Variants in CDH2 observed in about 807,000 individuals in gnomAD.
CDH2 encodes cadherin 2, also known as cadherin-2.
In CDH2, 17 loss-of-function variants were observed where a neutral mutation model predicts 92.0. The ratio of observed to expected loss-of-function variants is 0.18; its 90% CI spans 0.13 to 0.28. CDH2 has a LOEUF of 0.28. Among genes scored for constraint, CDH2 ranks in the 10% least tolerant of loss-of-function variants. CDH2 has a pLI of 1.00. For synonymous variants in CDH2, 419 were observed against 415.9 expected (o/e 1.01, Z -0.09); for missense variants, 862 against 1,133.1 (o/e 0.76, Z 3.44).
chr18:28,159,999 G>A (rs2144351559), intron 1 of CDH2, among the ~76,000 whole-genome samples: 1 of 152,236 alleles, frequency 6.6e-6, no homozygotes, highest in East Asian at 1.9e-4. Context: ...CCTTGATTGT[G>A]TAGGGTGGCT....
chr18:28,129,937 C>T (rs906806644), intron 2 of CDH2, among the ~76,000 whole-genome samples: 28 of 152,094 alleles, frequency 1.8e-4, no homozygotes, highest in African/African-American at 6.0e-4. Flanking sequence ...CGTTATTAGG[C>T]CACCAAAGCA....
chr18:28,130,647 T>G (rs561596681), intron 2 of CDH2, among the ~76,000 whole-genome samples: 1 of 152,322 alleles, frequency 6.6e-6, no homozygotes, highest in South Asian at 2.1e-4. Flanking sequence ...GCATGGCTGC[T>G]GAGCAGGCCT....
chr18:28,117,482 A>G (rs1382312360), intron 2 of CDH2, among the ~76,000 whole-genome samples: 1 of 152,100 alleles, frequency 6.6e-6, no homozygotes, highest in Non-Finnish European at 1.5e-5. Flanking sequence ...CTCCTACAAT[A>G]CAGTAGAAAG....
chr18:28,009,643 T>A, intron 5 of CDH2, 74 bp downstream of exon 5: 6 of 1,358,982 alleles, frequency 4.4e-6, no homozygotes, highest in Non-Finnish European at 5.1e-6. Flanking sequence ...CAGACTGATA[T>A]AAGAGGCAAT....
chr18:28,110,983 G>C (rs1223450092), intron 2 of CDH2, among the ~76,000 whole-genome samples: 2 of 152,156 alleles, frequency 1.3e-5, no homozygotes, highest in Non-Finnish European at 2.9e-5. Context: ...AGAAAGGAAA[G>C]AGGCTGAAAA....
At chr18:27,968,425 G>C (rs552930034) in intron 14 of CDH2, among the ~76,000 whole-genome samples, 1 of 152,276 alleles carries the variant, frequency 6.6e-6, no homozygotes, top group East Asian at 1.9e-4. Context: ...CTGGAGGGGG[G>C]AGTTTAAGAT....
At position 28,076,711 on chromosome 18, in the gene CDH2, C is replaced by T. The variant is rs536406170; in HGVS notation, c.173-62802G>A. Among the ~76,000 whole-genome samples, 9 of 131,532 alleles carry T rather than the reference C, an allele frequency of 6.8e-5. No individual in the cohort carries two copies. In the South Asian group the frequency reaches 2.4e-3, roughly 35 times the overall value. 86.3% of individuals were successfully genotyped at this position (131,532 alleles called of 152,430 possible). ...CCCCCTCCCCCCACCCGACGACAGG[C>T]CCCGGTGTGTGATGTTCCCCTTCCT... On this transcript the variant is annotated intron_variant, in intron 2 of 15. Transcript: ENST00000269141.
intron 2 of CDH2, among the ~76,000 whole-genome samples, chr18:28,016,040 A>G (rs544584113): frequency 6.6e-6 from 1 of 152,334 alleles, no homozygotes; most frequent in South Asian, 2.1e-4. Context: ...CCCTAGGGCC[A>G]GGTCATCACT....
At chr18:27,967,878 G>T (rs556814435) in intron 14 of CDH2, among the ~76,000 whole-genome samples, 2 of 152,242 alleles carry the variant, frequency 1.3e-5, no homozygotes, top group South Asian at 4.1e-4. Flanking sequence ...AGAGCATTTG[G>T]TTATGCTACA....
At chr18:28,130,380 G>A (rs1232303102) in intron 2 of CDH2, among the ~76,000 whole-genome samples, 7 of 152,206 alleles carry the variant, frequency 4.6e-5, no homozygotes, top group Admixed American at 2.0e-4. Context: ...ATTTAGAAAG[G>A]AATGGAATGG....
At chr18:27,939,377 T>C (rs1216444055) in intron 6 of CDH2, among the ~76,000 whole-genome samples, 1 of 152,142 alleles carries the variant, frequency 6.6e-6, no homozygotes, top group Non-Finnish European at 1.5e-5. Context: ...ATTTCTACAA[T>C]GCACTAGAAA....
chr18:28,149,840 A>C (rs2016093778), intron 1 of CDH2, among the ~76,000 whole-genome samples: 1 of 152,246 alleles, frequency 6.6e-6, no homozygotes, highest in Non-Finnish European at 1.5e-5. Context: ...CACAGGTACA[A>C]ATTACAGTAT....
intron 2 of CDH2, among the ~76,000 whole-genome samples, chr18:28,109,856 A>T (rs1210020273): frequency 1.3e-5 from 2 of 152,236 alleles, no homozygotes; most frequent in East Asian, 3.8e-4. Context: ...CAGCATGTAT[A>T]AAGTGTTATT....
exon 7 of CDH2, among the ~76,000 whole-genome samples, chr18:27,933,005 T>G (rs1261267591): frequency 1.3e-5 from 2 of 152,178 alleles, no homozygotes; most frequent in African/African-American, 4.8e-5. Flanking sequence ...GGCACTCTTC[T>G]CTGATGTAAT....
At chr18:28,167,618 T>A (rs1268902679) in intron 1 of CDH2, among the ~76,000 whole-genome samples, 12 of 152,254 alleles carry the variant, frequency 7.9e-5, no homozygotes, top group Admixed American at 6.5e-4. Flanking sequence ...GAGGGACGGT[T>A]AAAATTGGAA....
rs563652480 is a variant in CDH2, at chr18:28,087,223, G to A, written c.172+60450C>T. Among the ~76,000 whole-genome samples the A allele has an allele frequency of 5.7e-4, 86 of 152,208 alleles. 1 individual carries two copies. The South Asian group carries it at 0.017, about 31-fold the overall frequency. The stretch of plus-strand genomic sequence containing the variant: ...ATACAAAAGGCAGGATGAAAGACAA[G>A]TTTGATGCAAAACACACAAAGGGCT... On this transcript the variant is annotated intron_variant, in intron 2 of 15. Transcript: ENST00000269141.
intron 2 of CDH2, among the ~76,000 whole-genome samples, chr18:28,099,137 TC>T (rs2015187000): frequency 2.0e-5 from 3 of 152,322 alleles, no homozygotes; most frequent in African/African-American, 7.2e-5. Flanking sequence ...GATTACCTAT[TC>T]TAATTATCTA....
At chr18:28,029,304 G>A (rs2013634794) in intron 2 of CDH2, among the ~76,000 whole-genome samples, 1 of 151,918 alleles carries the variant, frequency 6.6e-6, no homozygotes, top group African/African-American at 2.4e-5. Flanking sequence ...CAATTTAAAG[G>A]TTACTTAATT....
intron 2 of CDH2, among the ~76,000 whole-genome samples, chr18:28,145,436 T>C (rs186462068): frequency 6.6e-6 from 1 of 152,238 alleles, no homozygotes; most frequent in East Asian, 1.9e-4. Context: ...AATATATCCC[T>C]TTCAGCTGTG....
Sources: allele counts gnomAD v4.1 joint callset (sites outside exome capture counted in the v4.1 genomes callset), GRCh38; gene constraint gnomAD v4.1.1; transcripts MANE v1.5; gene names NCBI Gene and HGNC (gene_info 2026-07-23, HGNC 2026-07-21).